Variants in CROCC2 observed in about 807,000 individuals in gnomAD.
CROCC2 encodes ciliary rootlet coiled-coil, rootletin family member 2, also known as ciliary rootlet coiled-coil protein 2.
In CROCC2, 163 loss-of-function variants were observed where a neutral mutation model predicts 177.6. That is an observed-to-expected ratio of 0.92 (90% CI 0.81 to 1.05). The LOEUF is 1.05. CROCC2 is among the 50% of genes least tolerant of loss of function. The pLI is 0.00. For missense variants in CROCC2, 1,929 were observed against 1,797.8 expected (o/e 1.07, Z -1.32); for synonymous variants, 904 against 787.3 (o/e 1.15, Z -2.48).
rs2059543161 is a variant in CROCC2 at position 240,949,837 on chromosome 2, C to T, written c.2652+135C>T. On this transcript the variant is annotated intron_variant, in intron 17 of 31. Transcript: ENST00000690015. This position sits in a 1 kb window ranked among gnomAD's most constrained non-coding sequence, Gnocchi z 4.5. Reference sequence around the variant, plus strand: ...GCGCCTGGCCAGGGCTGGGCAAGGACCAGCTCACTCTTTATAGTTCACGTG... The same window carrying T: ...GCGCCTGGCCAGGGCTGGGCAAGGATCAGCTCACTCTTTATAGTTCACGTG... 2.2e-6 allele frequency: 2 copies of T among 898,464 alleles called. No individual in the cohort carries two copies. The highest frequency in any genetic ancestry group is 2.7e-5 in the East Asian group (1 of 37,472). 55.7% of individuals were successfully genotyped at this position (898,464 alleles called of 1,614,324 possible). A position where few individuals can be genotyped will look rare whatever the true frequency, so the allele number is the denominator to read the frequency against.
intron 27 of CROCC2, among the ~76,000 whole-genome samples, chr2:240,971,353 G>A (rs1034831142): frequency 7.9e-5 from 12 of 152,178 alleles, no homozygotes; most frequent in Admixed American, 2.0e-4. Flanking sequence ...ACGTGGGTCC[G>A]AGCAACATGT....
intron 21 of CROCC2, chr2:240,964,119 G>A: frequency 1.9e-6 from 1 of 533,278 alleles, no homozygotes; most frequent in South Asian, 2.3e-5. Flanking sequence ...GGCCCCTGTG[G>A]GGCAGCTGGG....
At chr2:240,962,290 C>A (rs528124349) in intron 20 of CROCC2, among the ~76,000 whole-genome samples, 5 of 108,854 alleles carry the variant, frequency 4.6e-5, no homozygotes, top group Admixed American at 1.0e-4. Context: ...GCAGAGGGAG[C>A]GGGTGGGGTG....
In CROCC2 at chr2:240,965,547, A is replaced by T. The variant is rs969379646; in HGVS notation, c.3603+29A>T. 4.1e-5 allele frequency: 64 copies of T among 1,550,000 alleles called. No homozygotes were observed. In the Admixed American group the frequency reaches 1.2e-3, roughly 29 times the overall value. On this transcript the variant is annotated intron_variant, in intron 23 of 31. Transcript: ENST00000690015. ...GGAGGGCTGCCTGTGGTCAGAAGGG[A>T]AGGAGCTGGGCGTCGGGGAGCAGAG...
chr2:240,982,907 C>A lies in CROCC2; in HGVS notation c.4429C>A (p.Leu1477Ile), dbSNP rs568489926. The A allele has an allele frequency of 9.8e-5, 152 of 1,550,172 alleles. No individual in the cohort carries two copies. The highest frequency in any genetic ancestry group is 5.1e-4 in the Middle Eastern group (3 of 5,882). ...GCAACTGGAAACGCTGCGCCAGGCTCTTGAAGAGAGCAGGAGGCACAGCCA... is the reference window on the plus strand; with the variant it reads ...GCAACTGGAAACGCTGCGCCAGGCTATTGAAGAGAGCAGGAGGCACAGCCA... ...QEQLETLRQA[L>I]EESRRHSQGL... Residue 1477 changes from leucine to isoleucine, a missense_variant, in exon 28 of 32, where the codon CTT becomes ATT. Around this residue, in one of 3 missense-constraint regions of CROCC2, gnomAD observed 388 missense variants for 352.7 expected, o/e 1.10. Coordinates refer to ENST00000690015, the MANE Select transcript of CROCC2 (RefSeq NM_001351305.2). This position sits in a 1 kb window ranked among gnomAD's most constrained non-coding sequence, Gnocchi z 4.7.
chr2:240,962,875 G>A (rs528320013), intron 20 of CROCC2, among the ~76,000 whole-genome samples: 2 of 151,878 alleles, frequency 1.3e-5, no homozygotes, highest in East Asian at 4.0e-4. Flanking sequence ...ACTGTCCTCC[G>A]GACCCCACCC....
Position 240,932,712 on chromosome 2 carries a change from A to C in CROCC2, c.1055A>C (p.Glu352Ala). ...CTCTGCACCTTGAAGGTGGCCCAGG[A>C]GGACGCCCGGTGCCTGGAGCTGGCA... ...RTDLQNLVAQEDARCLELAGS... is the reference protein window; with the variant it reads ...RTDLQNLVAQADARCLELAGS... The change falls in exon 9 of 32, where the codon GAG (glutamate) becomes GCG (alanine). Residue 352 changes from glutamate (E) to alanine (A), a missense_variant. Glu to Ala is a moderately radical substitution (Grantham distance 107). This residue lies in a region of CROCC2 where 1,397 missense variants were observed against 1,239.9 expected (regional missense o/e 1.13). Coordinates refer to ENST00000690015, the MANE Select transcript of CROCC2 (RefSeq NM_001351305.2). The C allele has an allele frequency of 1.3e-6, 1 of 785,464 alleles. No individual in the cohort carries two copies. The highest frequency in any genetic ancestry group is 2.2e-6 in the Non-Finnish European group (1 of 447,592). 48.7% of individuals were successfully genotyped at this position (785,464 alleles called of 1,614,324 possible). A position where few individuals can be genotyped will look rare whatever the true frequency, so the allele number is the denominator to read the frequency against.
chr2:240,969,083 ACC>A (rs1046421217), intron 27 of CROCC2, among the ~76,000 whole-genome samples: 1 of 152,186 alleles, frequency 6.6e-6, no homozygotes, highest in African/African-American at 2.4e-5. Context: ...GCGTCCCTCA[ACC>A]CATTCTGGAA....
chr2:240,919,752 G>A (rs7598860), intron 2 of CROCC2, among the ~76,000 whole-genome samples: 2 of 27,412 alleles, frequency 7.3e-5, no homozygotes, highest in Non-Finnish European at 1.4e-4. Flanking sequence ...ATTGGGGTTC[G>A]AGGTGGTAGG....
At position 240,961,436 on chromosome 2, in the gene CROCC2, C is replaced by T. The variant is rs554769059; in HGVS notation, c.3087+1992C>T. The stretch of plus-strand genomic sequence containing the variant: ...CACCAAGCACACACACGCATGTGTG[C>T]GCACACATGCACATACGTAGTGCAT... On this transcript the variant is annotated intron_variant, in intron 20 of 31. Coordinates refer to ENST00000690015, the MANE Select transcript of CROCC2 (RefSeq NM_001351305.2). Among the ~76,000 whole-genome samples the T allele has an allele frequency of 3.4e-4, 52 of 152,152 alleles. 3 individuals are homozygous for T. The South Asian group carries it at 5.4e-3, about 16-fold the overall frequency.
At chr2:240,965,331 G>A (rs371393821) in intron 22 of CROCC2, 50 bp from the exon 23 acceptor site, 3 of 1,543,452 alleles carry the variant, frequency 1.9e-6, no homozygotes, top group Non-Finnish European at 8.7e-7. Context: ...GGCTGCCTGG[G>A]TTCCAGCACA....
At chr2:240,906,906 C>G (rs13033585) in intron 1 of CROCC2, among the ~76,000 whole-genome samples, 1 of 151,462 alleles carries the variant, frequency 6.6e-6, no homozygotes, top group Non-Finnish European at 1.5e-5. Context: ...AGAGAGAGCC[C>G]GGGGCCGCTG....
At position 240,965,944 on chromosome 2, in the gene CROCC2, G is replaced by T; in HGVS notation, c.3912G>T (p.Gln1304His). 2.0e-5 allele frequency: 28 copies of T among 1,407,348 alleles called. No homozygotes were observed. The highest frequency in any genetic ancestry group is 2.6e-5 in the Non-Finnish European group (28 of 1,085,164). The allele number at this position is 1,407,348 out of a possible 1,614,324, so 87.2% of individuals were successfully genotyped here. A position where few individuals can be genotyped will look rare whatever the true frequency, so the allele number is the denominator to read the frequency against. ...CSTLRRGLGL[Q>H]RQSPWASPEQ... ...CGCTCCGCCGTGGCCTGGGGCTCCA[G>T]AGACAGAGCCCGTGGGCCTCCCCGG... The change falls in exon 24 of 32, where the codon CAG (glutamine) becomes CAT (histidine). Residue 1304 changes from glutamine (Q) to histidine (H), a missense_variant. Physicochemically the swap from Gln to His is conservative, Grantham distance 24 (BLOSUM62 0). Coordinates refer to ENST00000690015, the MANE Select transcript of CROCC2 (RefSeq NM_001351305.2).
At position 240,922,553 on chromosome 2, in the gene CROCC2, G is replaced by T; in HGVS notation, c.396G>T (p.Leu132=). The T allele has an allele frequency of 1.4e-6, 1 of 695,656 alleles. No homozygotes were observed. Among genetic ancestry groups the T allele is most frequent in the Non-Finnish European group, 2.7e-6 (1 of 371,724 alleles). The allele number at this position is 695,656 out of a possible 1,614,324, so 43.1% of individuals were successfully genotyped here. Residue 132 remains leucine (L), a synonymous_variant, in exon 4 of 32, where the codon CTG becomes CTT. Coordinates refer to ENST00000690015, the MANE Select transcript of CROCC2 (RefSeq NM_001351305.2). ...RVVSEQLQAR[L]ETTEAQLRRS... ...CTCCTCCCCAGCTGCAGGCCCGGCT[G>T]GAGACCACCGAGGCTCAGCTGCGGA...
intron 5 of CROCC2, chr2:240,929,823 G>A (rs1400373040): frequency 6.2e-6 from 3 of 484,894 alleles, no homozygotes; most frequent in Non-Finnish European, 1.2e-5. Flanking sequence ...GGTGTTCCAA[G>A]CCTGAGCAGT....
intron 22 of CROCC2, among the ~76,000 whole-genome samples, chr2:240,965,096 G>A (rs1186968293): frequency 6.6e-6 from 1 of 152,156 alleles, no homozygotes; most frequent in African/African-American, 2.4e-5. Flanking sequence ...ATGCACCCCA[G>A]CCACTGCCCA....
At chr2:240,934,805 A>G in intron 12 of CROCC2, 111 bp from the exon 13 acceptor site, 1 of 1,225,400 alleles carries the variant, frequency 8.2e-7, no homozygotes, top group Non-Finnish European at 1.1e-6. Context: ...TGTCCGCCCA[A>G]GAGCTCTGGC....
At chr2:240,943,215 C>T (rs773509076) in intron 14 of CROCC2, among the ~76,000 whole-genome samples, 6 of 152,018 alleles carry the variant, frequency 3.9e-5, no homozygotes, top group Non-Finnish European at 7.4e-5. Context: ...GCCATGTTGC[C>T]CAGGCTGGTC....
At chr2:240,932,530 G>T in intron 8 of CROCC2, 116 bp downstream of exon 8, 1 of 699,214 alleles carries the variant, frequency 1.4e-6, no homozygotes, top group Non-Finnish European at 2.7e-6. Context: ...GCAAGGTGGG[G>T]TCCCTGCAGT....
Sources: allele counts gnomAD v4.1 joint callset (sites outside exome capture counted in the v4.1 genomes callset), GRCh38; gene constraint gnomAD v4.1.1; regional missense constraint gnomAD v4.1.1; non-coding constraint Gnocchi (gnomAD v3.1); transcripts MANE v1.5; gene names NCBI Gene and HGNC (gene_info 2026-07-23, HGNC 2026-07-21).